Variants in KANK1 observed in about 807,000 individuals in gnomAD.
KANK1 encodes KN motif and ankyrin repeat domains 1.
A neutral mutation model predicts 106.2 loss-of-function variants in KANK1; 109 were observed. The ratio of observed to expected loss-of-function variants is 1.03; its 90% CI spans 0.88 to 1.20. The LOEUF (loss-of-function observed/expected upper bound fraction) is 1.20, where lower values mean the gene tolerates loss of function less well. KANK1 is among the 50% of genes most tolerant of loss of function. KANK1 has a pLI of 0.00. For missense variants in KANK1, 2,399 were observed against 1,710.7 expected (o/e 1.40, Z -7.10); for synonymous variants, 873 against 652.2 (o/e 1.34, Z -5.16).
intron 1 of KANK1, among the ~76,000 whole-genome samples, chr9:625,886 C>A (rs993916379): frequency 1.3e-5 from 2 of 152,110 alleles, no homozygotes; most frequent in African/African-American, 4.8e-5. Context: ...CCGGTTTTAA[C>A]CACTCCCCAC....
chr9:730,482 A>G, intron 4 of KANK1: 6 of 485,642 alleles, frequency 1.2e-5, no homozygotes, highest in South Asian at 1.0e-4. Flanking sequence ...ATTTGAGGCC[A>G]GGAGTTCGAG....
At chr9:624,523 G>C (rs1395787049) in intron 1 of KANK1, among the ~76,000 whole-genome samples, 1 of 152,080 alleles carries the variant, frequency 6.6e-6, no homozygotes, top group Non-Finnish European at 1.5e-5. Context: ...ATGAAAACAG[G>C]CCGGGTGTGG....
chr9:493,078 C>T (rs1185893095), intron 3 of KANK1, among the ~76,000 whole-genome samples: 1 of 150,606 alleles, frequency 6.6e-6, no homozygotes, highest in African/African-American at 2.4e-5. Context: ...TGGTAGCCGG[C>T]CTCCCTGTCT....
At chr9:489,532 A>C (rs531399644) in intron 3 of KANK1, among the ~76,000 whole-genome samples, 2 of 152,226 alleles carry the variant, frequency 1.3e-5, no homozygotes, top group Non-Finnish European at 2.9e-5. Flanking sequence ...TGGGCCAGAG[A>C]GTGGCACCTT....
At chr9:575,532 A>G (rs1006592998) in intron 1 of KANK1, among the ~76,000 whole-genome samples, 19 of 150,504 alleles carry the variant, frequency 1.3e-4, no homozygotes, top group African/African-American at 4.6e-4. Flanking sequence ...AAAAGCCAGG[A>G]ATGGTGATGC....
chr9:678,611 C>T (rs1035684151), intron 2 of KANK1, among the ~76,000 whole-genome samples: 1 of 152,030 alleles, frequency 6.6e-6, no homozygotes, highest in Admixed American at 6.6e-5. Context: ...GCCTGTAATC[C>T]CAGCTACTTA....
At chr9:651,364 A>C (rs9407333) in intron 1 of KANK1, among the ~76,000 whole-genome samples, 30,539 of 152,096 alleles carry the variant, frequency 0.2, 3,187 homozygotes, top group East Asian at 0.32. Context: ...TTTATATAAT[A>C]CAGAGTTGGC....
At chr9:594,325 G>A (rs942985630) in intron 1 of KANK1, among the ~76,000 whole-genome samples, 3 of 151,912 alleles carry the variant, frequency 2.0e-5, no homozygotes, top group Non-Finnish European at 4.4e-5. Flanking sequence ...GGGGGAAAAG[G>A]CCAACATGAT....
At chr9:535,542 G>C (rs556440939) in intron 1 of KANK1, among the ~76,000 whole-genome samples, 1 of 152,256 alleles carries the variant, frequency 6.6e-6, no homozygotes, top group African/African-American at 2.4e-5. Context: ...GTCTGCCCCA[G>C]GTCACAGGGC....
intron 1 of KANK1, among the ~76,000 whole-genome samples, chr9:518,555 C>T (rs187691378): frequency 1.3e-4 from 20 of 151,772 alleles, no homozygotes; most frequent in Admixed American, 1.0e-3. Context: ...TGTATGTTTT[C>T]TTTGCTTCTT....
At chr9:569,597 C>T (rs958853448) in intron 1 of KANK1, among the ~76,000 whole-genome samples, 1 of 152,080 alleles carries the variant, frequency 6.6e-6, no homozygotes, top group Non-Finnish European at 1.5e-5. Context: ...AAATAAATAC[C>T]TTTTCTGTAT....
At chr9:636,720 A>T (rs1255345826) in intron 1 of KANK1, among the ~76,000 whole-genome samples, 2 of 152,174 alleles carry the variant, frequency 1.3e-5, no homozygotes, top group African/African-American at 4.8e-5. Context: ...ACAAAAAATT[A>T]GCCAGATATG....
intron 1 of KANK1, among the ~76,000 whole-genome samples, chr9:643,891 CG>C (rs1341084284): frequency 6.7e-6 from 1 of 149,548 alleles, no homozygotes; most frequent in Non-Finnish European, 1.5e-5. Context: ...TTGGTAGAGA[CG>C]GGGTTTCACC....
chr9:618,163 A>G (rs1288367117), intron 1 of KANK1, among the ~76,000 whole-genome samples: 1 of 152,210 alleles, frequency 6.6e-6, no homozygotes, highest in African/African-American at 2.4e-5. Context: ...ATATAAAATT[A>G]TGGCATTCAT....
At chr9:714,344 G>T (rs548056869) in intron 3 of KANK1, among the ~76,000 whole-genome samples, 1 of 150,482 alleles carries the variant, frequency 6.6e-6, no homozygotes, top group South Asian at 2.1e-4. Context: ...TGGAGAGAAG[G>T]GAGTCTTTTC....
intron 1 of KANK1, among the ~76,000 whole-genome samples, chr9:651,417 G>A (rs1840856667): frequency 6.6e-6 from 1 of 152,158 alleles, no homozygotes; most frequent in Non-Finnish European, 1.5e-5. Flanking sequence ...AGGAAACGTG[G>A]CCTAACAGTG....
chr9:652,800 T>C (rs1425408955), intron 1 of KANK1, among the ~76,000 whole-genome samples: 1 of 152,242 alleles, frequency 6.6e-6, no homozygotes, highest in Non-Finnish European at 1.5e-5. Context: ...GCTGATTTTT[T>C]ACTTTCTCTG....
rs1469043215 is a variant in KANK1, at chr9:710,845, C to G, written c.79C>G (p.Gln27Glu). 6.2e-7 allele frequency: 1 copy of G among 1,610,854 alleles called. No individual in the cohort carries two copies. Among genetic ancestry groups the G allele is most frequent in the Admixed American group, 1.7e-5 (1 of 59,454 alleles). ...TCTCAGTGGAGACCAGGACAAGGAA[C>G]AGAAAGACCCTTACTTTGTGGAGAC... is the stretch of plus-strand genomic sequence containing the variant. ...DILSGDQDKEQKDPYFVETPY... is the reference protein window; with the variant it reads ...DILSGDQDKEEKDPYFVETPY... Residue 27 changes from glutamine to glutamate, a missense_variant, in exon 3 of 12, where the codon CAG (glutamine) becomes GAG (glutamate). Transcript: ENST00000382297.
At chr9:637,675 T>C (rs1039469441) in intron 1 of KANK1, among the ~76,000 whole-genome samples, 3 of 152,192 alleles carry the variant, frequency 2.0e-5, no homozygotes, top group African/African-American at 7.2e-5. Flanking sequence ...GGAACGAGTG[T>C]ATATTTTTTC....
Sources: allele counts gnomAD v4.1 joint callset (sites outside exome capture counted in the v4.1 genomes callset), GRCh38; gene constraint gnomAD v4.1.1; transcripts MANE v1.5; gene names NCBI Gene and HGNC (gene_info 2026-07-23, HGNC 2026-07-21).